Variants in UBR2 observed in about 807,000 individuals in gnomAD.
UBR2 encodes ubiquitin protein ligase E3 component n-recognin 2, also known as E3 ubiquitin-protein ligase UBR2.
UBR2 carries 92 observed loss-of-function variants against 247.9 expected under a neutral mutation model. The ratio of observed to expected loss-of-function variants is 0.37; its 90% CI spans 0.31 to 0.44. UBR2 has a LOEUF of 0.44. Ranked by LOEUF, UBR2 falls within the 20% of genes least tolerant of loss-of-function variation. The probability of loss-of-function intolerance (pLI) is 1.00; values close to 1 mark genes in which losing one functional copy is unlikely to be tolerated. For missense variants in UBR2, 1,613 were observed against 2,112.6 expected (o/e 0.76, Z 4.64); for synonymous variants, 672 against 693.5 (o/e 0.97, Z 0.49).
At position 42,676,058 on chromosome 6, in the gene UBR2, G is replaced by A. The variant is rs1798701819; in HGVS notation, c.4254G>A (p.Val1418=). 1.2e-6 allele frequency: 2 copies of A among 1,610,054 alleles called. No individual in the cohort carries two copies. The highest frequency in any genetic ancestry group is 1.7e-6 in the Non-Finnish European group (2 of 1,178,672). ...ILDIDMFHLL[V]GLVLAFPALQ... Reference sequence around the variant, plus strand: ...GATGTCCTGTGTTTGGTGCCTAGGTGGGCTTGGTGCTTGCATTTCCTGCGT... The same window carrying A: ...GATGTCCTGTGTTTGGTGCCTAGGTAGGCTTGGTGCTTGCATTTCCTGCGT... Residue 1418 remains valine, a splice_region_variant and synonymous_variant, in exon 39 of 47, where the codon GTG becomes GTA. Coordinates refer to ENST00000372901, the MANE Select transcript of UBR2 (RefSeq NM_001363705.2).
At chr6:42,677,704 G>A (rs875433) in intron 40 of UBR2, among the ~76,000 whole-genome samples, 1 of 152,092 alleles carries the variant, frequency 6.6e-6, no homozygotes, top group African/African-American at 2.4e-5. Context: ...ACCCAGGCAG[G>A]TGAAGGCTGC....
rs1799771990 is a variant in UBR2 at position 42,691,860 on chromosome 6, T to C, written c.*687T>C. 1 of 151,690 alleles carries C rather than the reference T, an allele frequency of 6.6e-6. No homozygotes were observed. The highest frequency in any genetic ancestry group is 1.5e-5 in the Non-Finnish European group (1 of 67,948). The allele number at this position is 151,690 out of a possible 1,614,324, so 9.4% of individuals were successfully genotyped here. On this transcript the variant is annotated 3_prime_UTR_variant, in exon 47 of 47. Transcript: ENST00000372901. ...TCACTTAGAGGGCTTTCCAAAAACT[T>C]AGGATGGTCTAAAAAATTAGGATAT...
chr6:42,619,453 A>ATATATT, intron 11 of UBR2: 57 of 23,790 alleles, frequency 2.4e-3, no homozygotes, highest in Non-Finnish European at 3.0e-3. Context: ...ATATATATAT[A>ATATATT]TTTTTTTTTT....
At position 42,635,143 on chromosome 6, in the gene UBR2, A is replaced by G. The variant is rs2144082; in HGVS notation, c.1546-275A>G. 3.2e-4 allele frequency among the ~76,000 whole-genome samples: 48 copies of G among 152,320 alleles called. 1 individual carries two copies. The East Asian group carries it at 6.0e-3, about 19-fold the overall frequency. On this transcript the variant is annotated intron_variant, in intron 13 of 46. Coordinates refer to ENST00000372901, the MANE Select transcript of UBR2 (RefSeq NM_001363705.2). ...AAAAAGGAAGGATTATTGCAGTGAA[A>G]TATTGAAGTATTTTATTGCCTAAAA...
chr6:42,615,018 C>G (rs1794448271), intron 8 of UBR2, 53 bp from the exon 9 acceptor site: 1 of 1,452,316 alleles, frequency 6.9e-7, no homozygotes, highest in African/African-American at 1.4e-5. Flanking sequence ...TAAAATGTCA[C>G]TATTTTAATA....
chr6:42,619,327 C>T (rs1017504731), intron 11 of UBR2: 1 of 147,838 alleles, frequency 6.8e-6, no homozygotes, highest in Non-Finnish European at 1.5e-5. Flanking sequence ...TATTGAATAT[C>T]CCAACTAGGA....
At chr6:42,620,311 T>G (rs1421961722) in intron 11 of UBR2, 1 of 152,368 alleles carries the variant, frequency 6.6e-6, no homozygotes, top group Non-Finnish European at 1.5e-5. Flanking sequence ...TTGGATATAC[T>G]CCTTTGTGAA....
chr6:42,610,716 G>T (rs576213458), intron 7 of UBR2, among the ~76,000 whole-genome samples: 148 of 152,222 alleles, frequency 9.7e-4, no homozygotes, highest in East Asian at 4.8e-3. Context: ...TCTTTATTAG[G>T]TATTATGGCG....
rs751339730 is a variant in UBR2, at chr6:42,672,915, AT to A, written c.4087-873del. Among the ~76,000 whole-genome samples, 18 of 152,110 alleles carry A rather than the reference AT, an allele frequency of 1.2e-4. 1 individual carries two copies. Among genetic ancestry groups the A allele is most frequent in the African/African-American group, 3.9e-4 (16 of 41,444 alleles). ...CTAGTGTATATAGTAGGACCTCAATATTTATTGAACCAAACATTACAGAAAA... is the reference window on the plus strand; with the variant it reads ...CTAGTGTATATAGTAGGACCTCAATATTATTGAACCAAACATTACAGAAAA... On this transcript the variant is annotated intron_variant, in intron 36 of 46. Transcript: ENST00000372901.
chr6:42,670,922 A>G (rs1798386060), intron 36 of UBR2, among the ~76,000 whole-genome samples: 2 of 152,228 alleles, frequency 1.3e-5, no homozygotes, highest in Admixed American at 1.3e-4. Flanking sequence ...GCAGTGGCCC[A>G]CGCCTGTAAT....
At chr6:42,632,958 C>CTCTTTTTTTTTTTTTTTTTTTTTTTTT (rs1562335065) in intron 13 of UBR2, 54 bp downstream of exon 13, 1 of 610,588 alleles carries the variant, frequency 1.6e-6, no homozygotes, top group Admixed American at 5.4e-5. Flanking sequence ...TCTCTTTTCT[C>CTCTTTTTTTTTTTTTTTTTTTTTTTTT]TTTTTTTTTT....
chr6:42,614,198 A>C (rs1331161092), intron 8 of UBR2, among the ~76,000 whole-genome samples: 1 of 41,472 alleles, frequency 2.4e-5, no homozygotes, highest in African/African-American at 8.4e-5. Context: ...AAAAAAAAAA[A>C]AAAAAAACTA....
intron 18 of UBR2, among the ~76,000 whole-genome samples, chr6:42,642,996 G>T (rs534882445): frequency 1.3e-5 from 2 of 151,874 alleles, no homozygotes; most frequent in African/African-American, 2.4e-5. Context: ...TTCCATTTAC[G>T]TAGCTAACTT....
chr6:42,658,087 C>G lies in UBR2; in HGVS notation c.2936C>G (p.Ala979Gly). ...GCTATGCTGGAAACACTACAAAATG[C>G]TCCCTACCTAGAAGTCCACAAAGAC... is the stretch of plus-strand genomic sequence containing the variant. ...ILAMLETLQN[A>G]PYLEVHKDMI... The change falls in exon 27 of 47, where the codon GCT becomes GGT. Residue 979 changes from alanine (A) to glycine (G), a missense_variant. This residue lies in a region of UBR2 where 1,524 missense variants were observed against 1,967.3 expected (regional missense o/e 0.77). Coordinates refer to ENST00000372901, the MANE Select transcript of UBR2 (RefSeq NM_001363705.2). 6.2e-7 allele frequency: 1 copy of G among 1,614,086 alleles called. No homozygotes were observed. The highest frequency in any genetic ancestry group is 1.1e-5 in the South Asian group (1 of 91,076).
intron 41 of UBR2, among the ~76,000 whole-genome samples, chr6:42,679,497 G>A (rs774733579): frequency 1.1e-4 from 17 of 152,270 alleles, no homozygotes; most frequent in Non-Finnish European, 2.4e-4. Context: ...CGAGACACCA[G>A]GACATTGGGA....
At position 42,628,722 on chromosome 6, in the gene UBR2, CAAA is replaced by C. The variant is rs34316224; in HGVS notation, c.1282-3811_1282-3809del. Among the ~76,000 whole-genome samples the C allele has an allele frequency of 4.6e-3, 476 of 102,804 alleles. 4 individuals carry two copies. The highest frequency in any genetic ancestry group is 9.8e-3 in the African/African-American group (266 of 27,038). 67.4% of individuals were successfully genotyped at this position (102,804 alleles called of 152,430 possible). On this transcript the variant is annotated intron_variant, in intron 11 of 46. Coordinates refer to ENST00000372901, the MANE Select transcript of UBR2 (RefSeq NM_001363705.2). Reference sequence around the variant, plus strand: ...TGAGCGACAGAGTGAGGCTCTGACTCAAAAAAAAAAAAAAAAAAAAATAGTGCT... The same window carrying C: ...TGAGCGACAGAGTGAGGCTCTGACTCAAAAAAAAAAAAAAAAAATAGTGCT...
At chr6:42,681,934 TGTG>T (rs1168219547) in intron 42 of UBR2, among the ~76,000 whole-genome samples, 4 of 152,236 alleles carry the variant, frequency 2.6e-5, no homozygotes, top group African/African-American at 4.8e-5. Flanking sequence ...GTAGGCCAGG[TGTG>T]GTGGTGCACG....
intron 7 of UBR2, among the ~76,000 whole-genome samples, chr6:42,607,570 A>C (rs1793783284): frequency 6.6e-6 from 1 of 151,608 alleles, no homozygotes; most frequent in Admixed American, 6.6e-5. Context: ...GCTGGGGTTT[A>C]GTGGCATGAT....
chr6:42,619,762 G>C (rs969001040), intron 11 of UBR2: 14 of 176,672 alleles, frequency 7.9e-5, no homozygotes, highest in Non-Finnish European at 1.5e-4. Flanking sequence ...CTGTCACTCA[G>C]GCTGGAGTGA....
Sources: allele counts gnomAD v4.1 joint callset (sites outside exome capture counted in the v4.1 genomes callset), GRCh38; gene constraint gnomAD v4.1.1; regional missense constraint gnomAD v4.1.1; transcripts MANE v1.5; gene names NCBI Gene and HGNC (gene_info 2026-07-23, HGNC 2026-07-21).